The following LRP1B variants were observed in gnomAD, a reference collection of about 807,000 sequenced individuals.
LRP1B encodes the protein LDL receptor related protein 1B.
In LRP1B, 217 loss-of-function variants were observed where a neutral mutation model predicts 556.6. The observed-to-expected ratio is 0.39, with a 90% CI of 0.35 to 0.44. The LOEUF (loss-of-function observed/expected upper bound fraction) is 0.44. Ranked by LOEUF, LRP1B falls within the 20% of genes least tolerant of loss-of-function variation. The pLI is 1.00. For missense variants in LRP1B, 5,053 were observed against 5,620.8 expected, an observed-to-expected ratio of 0.90 and a Z score of 3.23; for synonymous variants, 2,047 against 1,865.8, an observed-to-expected ratio of 1.10 and a Z score of -2.50.
intron 70 of LRP1B, 83 bp from the exon 71 acceptor site, chr2:140,370,925 A>G: frequency 7.1e-7 from 1 of 1,416,352 alleles, no homozygotes; most frequent in Middle Eastern, 1.8e-4. Context: ...AGCTTGTAAT[A>G]CTAGAGCTTT....
rs369302871 is a variant in LRP1B at position 141,997,568 on chromosome 2, G to A, written c.82+133080C>T. 4.7e-5 allele frequency among the ~76,000 whole-genome samples: 7 copies of A among 149,590 alleles called. No homozygotes were observed. In the South Asian group the frequency reaches 6.3e-4, roughly 14 times the overall value. The stretch of plus-strand genomic sequence containing the variant: ...CTCAATCTTGGTTCACTGCAGCCTC[G>A]AACTCCTGGGCTCAAGCAATTCTCC... On this transcript the variant is annotated intron_variant, in intron 1 of 90. Coordinates refer to ENST00000389484, the MANE Select transcript of LRP1B (RefSeq NM_018557.3).
At chr2:140,983,225 C>T (rs1186155481) in intron 17 of LRP1B, among the ~76,000 whole-genome samples, 1 of 151,786 alleles carries the variant, frequency 6.6e-6, no homozygotes, top group African/African-American at 2.4e-5. Context: ...TTATGAGTCT[C>T]GATATCCCCT....
chr2:141,262,266 A>C (rs971273847), intron 3 of LRP1B, among the ~76,000 whole-genome samples: 2 of 141,100 alleles, frequency 1.4e-5, no homozygotes, highest in African/African-American at 5.3e-5. Context: ...AAAGAGAGAG[A>C]GCGAGACGGA....
rs142064419 is a variant in LRP1B at position 141,993,206 on chromosome 2, A to C, written c.82+137442T>G. ...AAGGATCAGTTACCCAAAGACCAGGAATCTGCTATTGCTCGAGGACCACAA... is the reference window on the plus strand; with the variant it reads ...AAGGATCAGTTACCCAAAGACCAGGCATCTGCTATTGCTCGAGGACCACAA... On this transcript the variant is annotated intron_variant, in intron 1 of 90. Coordinates refer to ENST00000389484, the MANE Select transcript of LRP1B (RefSeq NM_018557.3). Among the ~76,000 whole-genome samples the C allele has an allele frequency of 2.0e-5, 3 of 152,200 alleles. No homozygotes were observed. The East Asian group carries it at 5.8e-4, about 29-fold the overall frequency.
At chr2:140,573,097 T>G (rs766088345) in intron 43 of LRP1B, among the ~76,000 whole-genome samples, 1 of 151,792 alleles carries the variant, frequency 6.6e-6, no homozygotes, top group Non-Finnish European at 1.5e-5. Context: ...AGGGTGACTA[T>G]AGTTAACAAC....
At chr2:141,015,387 G>A (rs547169340) in intron 13 of LRP1B, among the ~76,000 whole-genome samples, 1 of 152,130 alleles carries the variant, frequency 6.6e-6, no homozygotes, top group East Asian at 1.9e-4. Flanking sequence ...ATAGAGTGGG[G>A]TTGCTTGGTT....
intron 66 of LRP1B, among the ~76,000 whole-genome samples, chr2:140,425,427 G>C (rs1397514429): frequency 2.0e-5 from 3 of 152,030 alleles, no homozygotes; most frequent in Non-Finnish European, 4.4e-5. Flanking sequence ...CGCCGAGACA[G>C]AGTCTTGCTC....
intron 7 of LRP1B, 101 bp from the exon 8 acceptor site, chr2:141,062,374 C>A: frequency 1.5e-6 from 1 of 681,900 alleles, no homozygotes; most frequent in African/African-American, 1.8e-5. Context: ...TAATTTATTT[C>A]AGTGATTACA....
intron 31 of LRP1B, among the ~76,000 whole-genome samples, chr2:140,826,210 A>G (rs772329046): frequency 6.6e-6 from 1 of 152,184 alleles, no homozygotes; most frequent in Non-Finnish European, 1.5e-5. Context: ...GTAGGTATAC[A>G]TATACATCAG....
At chr2:140,671,249 G>T (rs1339428941) in intron 41 of LRP1B, among the ~76,000 whole-genome samples, 3 of 152,158 alleles carry the variant, frequency 2.0e-5, no homozygotes, top group African/African-American at 4.8e-5. Context: ...GGCCGGGCGC[G>T]GTGGCTCACG....
At chr2:141,689,271 G>C (rs551947284) in intron 2 of LRP1B, among the ~76,000 whole-genome samples, 1 of 151,830 alleles carries the variant, frequency 6.6e-6, no homozygotes. Context: ...AATGCAAAAA[G>C]ATTGGTAATT....
At position 140,272,258 on chromosome 2, in the gene LRP1B, A is replaced by AACACACACACACAC. The variant is rs10654741; in HGVS notation, c.13143-1926_13143-1913dup. 1.7e-3 allele frequency among the ~76,000 whole-genome samples: 259 copies of AACACACACACACAC among 149,426 alleles called. 2 individuals carry two copies. The highest frequency in any genetic ancestry group is 5.3e-3 in the African/African-American group (215 of 40,622). ...GGCATTCAGCGTATGTGCACACACAAACACACACACACACACACACACACA... is the reference window on the plus strand; with the variant it reads ...GGCATTCAGCGTATGTGCACACACAAACACACACACACACACACACACACACACACACACACACA... On this transcript the variant is annotated intron_variant, in intron 85 of 90. Coordinates refer to ENST00000389484, the MANE Select transcript of LRP1B (RefSeq NM_018557.3).
intron 7 of LRP1B, among the ~76,000 whole-genome samples, chr2:141,139,738 A>G (rs1213526542): frequency 6.6e-6 from 1 of 151,758 alleles, no homozygotes; most frequent in African/African-American, 2.4e-5. Context: ...ATTCTTATAT[A>G]TTACTGGTAG....
intron 1 of LRP1B, among the ~76,000 whole-genome samples, chr2:141,928,914 G>A (rs1700411105): frequency 6.6e-6 from 1 of 151,958 alleles, no homozygotes; most frequent in African/African-American, 2.4e-5. Context: ...AGCTTGGCCT[G>A]GTACAGCCCT....
At chr2:140,598,285 A>G (rs1388883158) in intron 43 of LRP1B, among the ~76,000 whole-genome samples, 7 of 152,196 alleles carry the variant, frequency 4.6e-5, no homozygotes, top group Non-Finnish European at 8.8e-5. Context: ...ACAACTAATC[A>G]ATTTTATTTC....
At chr2:140,442,760 G>A in intron 65 of LRP1B, 137 bp from the exon 66 acceptor site, 1 of 766,522 alleles carries the variant, frequency 1.3e-6, no homozygotes, top group Non-Finnish European at 2.0e-6. Context: ...CTGAAGGTGA[G>A]GAATTTTAAC....
At chr2:140,804,648 A>ATTT (rs1690646115) in intron 32 of LRP1B, among the ~76,000 whole-genome samples, 4 of 103,890 alleles carry the variant, frequency 3.9e-5, no homozygotes, top group South Asian at 6.3e-4. Flanking sequence ...GGTAAAAACT[A>ATTT]ATTTTTTTTT....
At chr2:141,576,777 A>T (rs370854770) in intron 2 of LRP1B, among the ~76,000 whole-genome samples, 1,621 of 120,796 alleles carry the variant, frequency 0.013, 40 homozygotes, top group African/African-American at 0.043. Flanking sequence ...AAAAAGCTTC[A>T]GTCTGACCCT....
At chr2:140,464,981 C>G (rs192469391) in intron 60 of LRP1B, among the ~76,000 whole-genome samples, 1 of 152,154 alleles carries the variant, frequency 6.6e-6, no homozygotes, top group Non-Finnish European at 1.5e-5. Flanking sequence ...GGCATTAGAC[C>G]ATTCTGGCAT....
Sources: gnomAD v4.1 joint callset for allele counts (sites outside exome capture counted in the v4.1 genomes callset) on GRCh38, gnomAD v4.1.1 for gene constraint, MANE v1.5 for transcripts, NCBI Gene and HGNC (gene_info 2026-07-23, HGNC 2026-07-21) for gene names.